BARX2: variants seen among roughly 807,000 people sequenced by gnomAD.
BARX2 encodes the protein homeobox protein BarH-like 2.
In BARX2, 11 loss-of-function variants were observed where a neutral mutation model predicts 25.5. The observed-to-expected ratio is 0.43, with a 90% CI of 0.27 to 0.71. The LOEUF is 0.71. BARX2 is among the 30% of genes least tolerant of loss of function. BARX2 has a pLI of 0.19. For synonymous variants in BARX2, 137 were observed against 149.5 expected (o/e 0.92, Z 0.61); for missense variants, 360 against 359.9 (o/e 1.00, Z 0.00).
At chr11:129,419,322 T>C (rs949237130) in intron 1 of BARX2, among the ~76,000 whole-genome samples, 7 of 152,242 alleles carry the variant, frequency 4.6e-5, no homozygotes, top group African/African-American at 1.7e-4. Flanking sequence ...TTTGATGTTT[T>C]TGTCGCTAGA....
intron 1 of BARX2, among the ~76,000 whole-genome samples, chr11:129,379,426 C>A (rs576757435): frequency 7.2e-5 from 11 of 152,250 alleles, no homozygotes; most frequent in African/African-American, 2.6e-4. Context: ...ATGAGCTCTC[C>A]AACTTCAGAG....
At chr11:129,414,755 T>G (rs1210157871) in intron 1 of BARX2, among the ~76,000 whole-genome samples, 2 of 152,264 alleles carry the variant, frequency 1.3e-5, no homozygotes, top group African/African-American at 4.8e-5. Context: ...GCCTTCATTG[T>G]GACTGGCATC....
At position 129,451,467 on chromosome 11, in the gene BARX2, TAGGGAGAGA is replaced by T; in HGVS notation, c.*67_*75del. 1 of 1,549,626 alleles carries T rather than the reference TAGGGAGAGA, an allele frequency of 6.5e-7. No homozygotes were observed. The highest frequency in any genetic ancestry group is 1.7e-4 in the Middle Eastern group (1 of 5,760). On this transcript the variant is annotated 3_prime_UTR_variant, in exon 4 of 4. Transcript: ENST00000281437. ...GGGAAAAGAGAGAAGGCAGGGAGAG[TAGGGAGAGA>T]AAACCTTCCAGCAGCCCAGTAAACT...
At chr11:129,387,247 A>G (rs911490543) in intron 1 of BARX2, among the ~76,000 whole-genome samples, 6 of 152,186 alleles carry the variant, frequency 3.9e-5, no homozygotes, top group Non-Finnish European at 7.4e-5. Context: ...CTGTCAATAT[A>G]GGAAACATTA....
At chr11:129,444,860 G>T (rs2135416281) in intron 3 of BARX2, among the ~76,000 whole-genome samples, 1 of 152,208 alleles carries the variant, frequency 6.6e-6, no homozygotes, top group South Asian at 2.1e-4. Context: ...AATTAGCTGG[G>T]TGTGGTGTTG....
intron 1 of BARX2, among the ~76,000 whole-genome samples, chr11:129,431,611 T>C (rs981016969): frequency 6.6e-6 from 1 of 152,228 alleles, no homozygotes; most frequent in Admixed American, 6.5e-5. Context: ...TTCAAAACTT[T>C]GGCACGTTGT....
chr11:129,411,064 C>T (rs1218142527), intron 1 of BARX2, among the ~76,000 whole-genome samples: 1 of 152,148 alleles, frequency 6.6e-6, no homozygotes, highest in Non-Finnish European at 1.5e-5. Flanking sequence ...CTATGTGGAG[C>T]AGAGTGTTTA....
intron 1 of BARX2, among the ~76,000 whole-genome samples, chr11:129,401,332 G>A (rs1232871554): frequency 6.6e-6 from 1 of 152,202 alleles, no homozygotes; most frequent in African/African-American, 2.4e-5. Flanking sequence ...TTAAAGCAAA[G>A]TATAGACAGT....
chr11:129,413,286 C>A (rs987494673), intron 1 of BARX2, among the ~76,000 whole-genome samples: 1 of 152,160 alleles, frequency 6.6e-6, no homozygotes, highest in Non-Finnish European at 1.5e-5. Context: ...TCAAAAGCCA[C>A]GCAAGTTACT....
chr11:129,394,361 C>T (rs1022294275), intron 1 of BARX2, among the ~76,000 whole-genome samples: 1 of 152,106 alleles, frequency 6.6e-6, no homozygotes, highest in Non-Finnish European at 1.5e-5. Flanking sequence ...AACTAATGAT[C>T]AGGAGGACTC....
chr11:129,411,727 G>C (rs1400309152), intron 1 of BARX2, among the ~76,000 whole-genome samples: 2 of 152,208 alleles, frequency 1.3e-5, no homozygotes, highest in East Asian at 3.9e-4. Flanking sequence ...CTGGCCACAC[G>C]GCAGAATCAC....
chr11:129,440,480 C>A (rs1283521044), intron 2 of BARX2, among the ~76,000 whole-genome samples: 1 of 152,210 alleles, frequency 6.6e-6, no homozygotes, highest in Non-Finnish European at 1.5e-5. Flanking sequence ...TCTTGGTTCT[C>A]AATGAGCGAC....
intron 1 of BARX2, among the ~76,000 whole-genome samples, chr11:129,413,957 T>A (rs1373489047): frequency 6.6e-6 from 1 of 151,032 alleles, no homozygotes; most frequent in African/African-American, 2.4e-5. Flanking sequence ...TCCCAGCTAC[T>A]GGGGAGGCTG....
rs377586719 is a variant in BARX2 at position 129,436,853 on chromosome 11, T to G, written c.290T>G (p.Leu97Arg). 1.8e-5 allele frequency: 29 copies of G among 1,614,030 alleles called. No individual in the cohort carries two copies. In the East Asian group the frequency reaches 5.6e-4, roughly 31 times the overall value. ...GCCACCCCGGGAATCGCCCAGGCAC[T>G]GTCCTGCCACCAGGTCACCGAGGCG... ...VPATPGIAQA[L>R]SCHQVTEAVS... is the part of the protein sequence containing the mutation. Residue 97 changes from leucine (L) to arginine (R), a missense_variant, in exon 2 of 4, where the codon CTG (leucine) becomes CGG (arginine). Leu to Arg is a moderately radical substitution (Grantham distance 102). This residue lies in a region of BARX2 where 240 missense variants were observed against 228.7 expected (regional missense o/e 1.05). Transcript: ENST00000281437. The surrounding 1 kb of genome is among the most constrained non-coding windows in gnomAD (Gnocchi z 4.5).
At chr11:129,383,989 G>A (rs143624354) in intron 1 of BARX2, among the ~76,000 whole-genome samples, 1,719 of 151,946 alleles carry the variant, frequency 0.011, 33 homozygotes, top group African/African-American at 0.039. Context: ...TTCTCCTGCC[G>A]CACCCTACCA....
intron 1 of BARX2, among the ~76,000 whole-genome samples, chr11:129,380,222 G>T (rs1861548291): frequency 6.6e-6 from 1 of 152,098 alleles, no homozygotes; most frequent in South Asian, 2.1e-4. Flanking sequence ...CAGTCAACCA[G>T]CCAGTTAGAA....
At chr11:129,425,966 T>C (rs930026677) in intron 1 of BARX2, among the ~76,000 whole-genome samples, 1 of 152,026 alleles carries the variant, frequency 6.6e-6, no homozygotes, top group Non-Finnish European at 1.5e-5. Flanking sequence ...TCCGTGTTTC[T>C]AATTCATTTA....
rs754337028 is a variant in BARX2 at position 129,436,843 on chromosome 11, G to A, written c.280G>A (p.Ala94Thr). Residue 94 changes from alanine (A) to threonine (T), a missense_variant, in exon 2 of 4, where the codon GCC becomes ACC. Ala to Thr is a moderately conservative substitution (Grantham distance 58). This residue lies in a region of BARX2 where 240 missense variants were observed against 228.7 expected (regional missense o/e 1.05). Transcript: ENST00000281437. This position sits in a 1 kb window ranked among gnomAD's most constrained non-coding sequence, Gnocchi z 4.5. ...SHLVPATPGI[A>T]QALSCHQVTE... is the part of the protein sequence containing the mutation. The stretch of plus-strand genomic sequence containing the variant: ...CCTGGTCCCTGCCACCCCGGGAATC[G>A]CCCAGGCACTGTCCTGCCACCAGGT... The A allele has an allele frequency of 1.0e-4, 166 of 1,613,744 alleles. No homozygotes were observed. The highest frequency in any genetic ancestry group is 1.4e-4 in the Non-Finnish European group (160 of 1,179,948).
chr11:129,440,467 G>A (rs935399672), intron 2 of BARX2, among the ~76,000 whole-genome samples: 6 of 152,214 alleles, frequency 3.9e-5, no homozygotes, highest in Admixed American at 6.5e-5. Flanking sequence ...TGGCCCCCTG[G>A]GTTCTTGGTT....
Sources: gnomAD v4.1 joint callset for allele counts (sites outside exome capture counted in the v4.1 genomes callset) on GRCh38, gnomAD v4.1.1 for gene constraint, gnomAD v4.1.1 regional missense constraint, Gnocchi (gnomAD v3.1) non-coding constraint, MANE v1.5 for transcripts, NCBI Gene and HGNC (gene_info 2026-07-23, HGNC 2026-07-21) for gene names.